The following WDR62 variants were observed in gnomAD, a reference collection of about 807,000 sequenced individuals.
WDR62 encodes WD repeat-containing protein 62.
WDR62 carries 112 observed loss-of-function variants against 160.6 expected under a neutral mutation model. The ratio of observed to expected loss-of-function variants is 0.70; its 90% CI spans 0.60 to 0.82. WDR62 has a LOEUF of 0.82. WDR62 is among the 40% of genes least tolerant of loss of function. WDR62 has a pLI of 0.00. For synonymous variants in WDR62, 792 were observed against 815.1 expected, an observed-to-expected ratio of 0.97 and a Z score of 0.48; for missense variants, 1,819 against 1,983.8, an observed-to-expected ratio of 0.92 and a Z score of 1.58.
At chr19:36,063,252 T>C (rs947941433) in intron 3 of WDR62, among the ~76,000 whole-genome samples, 2 of 136,648 alleles carry the variant, frequency 1.5e-5, no homozygotes, top group Admixed American at 7.6e-5. Context: ...CACTTTTTTT[T>C]GTTTTTTTGT....
chr19:36,102,032 A>G lies in WDR62; in HGVS notation c.3101A>G (p.Glu1034Gly). 6.2e-7 allele frequency: 1 copy of G among 1,614,180 alleles called. No homozygotes were observed. The highest frequency in any genetic ancestry group is 1.3e-5 in the African/African-American group (1 of 75,046). The change falls in exon 26 of 32, where the codon GAA (glutamate) becomes GGA (glycine). Residue 1034 changes from glutamate to glycine, a missense_variant. By Grantham distance (98) the Glu-to-Gly change is moderately conservative. Transcript: ENST00000401500. ...PHFPGCAGPT[E>G]DELSLPEGPS... Reference sequence around the variant, plus strand: ...CTGTCAGGATGCGCAGGTCCCACAGAAGATGAGCTGTCCCTGCCCGAGGGA... The same window carrying G: ...CTGTCAGGATGCGCAGGTCCCACAGGAGATGAGCTGTCCCTGCCCGAGGGA...
intron 9 of WDR62, among the ~76,000 whole-genome samples, chr19:36,074,525 G>A (rs563027230): frequency 1.9e-4 from 29 of 152,048 alleles, no homozygotes; most frequent in Non-Finnish European, 3.4e-4. Flanking sequence ...AGCCAGGCGC[G>A]CCTATAGTTG....
At chr19:36,068,188 C>A (rs1383480835) in intron 7 of WDR62, among the ~76,000 whole-genome samples, 178 bp downstream of exon 7, 1 of 152,120 alleles carries the variant, frequency 6.6e-6, no homozygotes, top group Non-Finnish European at 1.5e-5. Flanking sequence ...GCCCTCCCCG[C>A]AGAGCTGATA....
intron 9 of WDR62, among the ~76,000 whole-genome samples, chr19:36,080,273 A>C (rs1396542482): frequency 6.8e-6 from 1 of 147,182 alleles, no homozygotes; most frequent in African/African-American, 2.5e-5. Context: ...ACGCCCGGCT[A>C]ATTTTTTGTA....
chr19:36,084,104 A>T (rs1972063418), intron 11 of WDR62, among the ~76,000 whole-genome samples: 1 of 152,028 alleles, frequency 6.6e-6, no homozygotes. Flanking sequence ...GACTGATTTA[A>T]TCCTCTCACT....
At position 36,099,557 on chromosome 19, in the gene WDR62, T is replaced by A; in HGVS notation, c.2679T>A (p.Ser893Arg). The A allele has an allele frequency of 6.2e-7, 1 of 1,613,928 alleles. No homozygotes were observed. The highest frequency in any genetic ancestry group is 2.2e-5 in the East Asian group (1 of 44,854). Residue 893 changes from serine to arginine, a missense_variant, in exon 22 of 32, where the codon AGT (serine) becomes AGA (arginine). This residue lies in a region of WDR62 where 934 missense variants were observed against 1,157.2 expected (regional missense o/e 0.81). Coordinates refer to ENST00000401500, the MANE Select transcript of WDR62 (RefSeq NM_001083961.2). ...DCYFTPMKPE[S>R]LENSILDSLE... ...ACTTTACCCCCATGAAGCCCGAGAG[T>A]CTGGAGAACTCCATTCTGGATTCAC...
chr19:36,061,529 A>G (rs1970645862), intron 3 of WDR62: 1 of 152,248 alleles, frequency 6.6e-6, no homozygotes, highest in South Asian at 2.1e-4. Context: ...CTGGGGCCCA[A>G]ATTCCCCTGT....
chr19:36,104,805 A>C lies in WDR62; in HGVS notation c.4349A>C (p.Gln1450Pro), dbSNP rs763893196. Residue 1450 changes from glutamine (Q) to proline (P), a missense_variant, in exon 32 of 32, where the codon CAG (glutamine) becomes CCG (proline). Gln to Pro is a moderately conservative substitution (Grantham distance 76, BLOSUM62 -1). Transcript: ENST00000401500. ...GGCCAGGTGGACACCGGGCAGCAGC[A>C]GGCACGGACTGAGCTGGTCTCCACC... ...SSGQVDTGQQ[Q>P]ARTELVSTFL... The C allele has an allele frequency of 6.2e-7, 1 of 1,613,658 alleles. No individual in the cohort carries two copies. The highest frequency in any genetic ancestry group is 8.5e-7 in the Non-Finnish European group (1 of 1,180,016).
chr19:36,095,427 C>T (rs1401227581), intron 20 of WDR62, among the ~76,000 whole-genome samples: 2 of 152,208 alleles, frequency 1.3e-5, no homozygotes, highest in African/African-American at 4.8e-5. Flanking sequence ...GTCCACATCT[C>T]AGCATGTGAT....
At chr19:36,092,646 TTAC>T in intron 18 of WDR62, 40 bp from the exon 19 acceptor site, 1 of 1,613,152 alleles carries the variant, frequency 6.2e-7, no homozygotes. Flanking sequence ...GCTCCCATGC[TTAC>T]TCTTCCTCTG....
Position 36,101,450 on chromosome 19 carries a change from G to A in WDR62, c.2971+133G>A, listed in dbSNP as rs35085674. ...GAGGAAGACACATGTGGTCCCTGCTGCTGCCTGAGGATTCTGGGCCCAGCT... is the reference window on the plus strand; with the variant it reads ...GAGGAAGACACATGTGGTCCCTGCTACTGCCTGAGGATTCTGGGCCCAGCT... On this transcript the variant is annotated intron_variant, in intron 24 of 31. Transcript: ENST00000401500. 11,825 of 915,188 alleles carry A rather than the reference G, an allele frequency of 0.013. 92 individuals are homozygous for A. The highest frequency in any genetic ancestry group is 0.019 in the Middle Eastern group (92 of 4,764). The allele number at this position is 915,188 out of a possible 1,614,324, so 56.7% of individuals were successfully genotyped here.
chr19:36,104,736 G>A (rs777528577), intron 31 of WDR62, 32 bp from the exon 32 acceptor site: 2 of 1,613,816 alleles, frequency 1.2e-6, no homozygotes, highest in Non-Finnish European at 1.7e-6. Context: ...CCCGGCCTTG[G>A]TGGCCCCTGA....
chr19:36,097,278 A>G lies in WDR62; in HGVS notation c.2520+199A>G, dbSNP rs58159114. ...CATTGTTCTGGATGTCAGGGACACAACAGTGAGCAAGGGAAACAAAAGTCT... is the reference window on the plus strand; with the variant it reads ...CATTGTTCTGGATGTCAGGGACACAGCAGTGAGCAAGGGAAACAAAAGTCT... On this transcript the variant is annotated intron_variant, in intron 21 of 31. Transcript: ENST00000401500. 0.026 allele frequency among the ~76,000 whole-genome samples: 3,962 copies of G among 152,344 alleles called. 181 individuals carry two copies. Among genetic ancestry groups the G allele is most frequent in the African/African-American group, 0.09 (3,733 of 41,568 alleles).
chr19:36,103,855 G>A lies in WDR62; in HGVS notation c.4027G>A (p.Ala1343Thr), dbSNP rs1212415144. The change falls in exon 30 of 32, where the codon GCC (alanine) becomes ACC (threonine). Residue 1343 changes from alanine (A) to threonine (T), a missense_variant. Ala to Thr is a moderately conservative substitution (Grantham distance 58). Around this residue, in one of 3 missense-constraint regions of WDR62, gnomAD observed 770 missense variants for 734.2 expected, o/e 1.05. Coordinates refer to ENST00000401500, the MANE Select transcript of WDR62 (RefSeq NM_001083961.2). ...EESALRLHGSAFRPSLPAPES... is the reference protein window; with the variant it reads ...EESALRLHGSTFRPSLPAPES... ...GAGCGCCCTGAGGCTCCACGGCTCTGCCTTTCGCCCAAGTCTCCCAGCTCC... is the reference window on the plus strand; with the variant it reads ...GAGCGCCCTGAGGCTCCACGGCTCTACCTTTCGCCCAAGTCTCCCAGCTCC... The A allele has an allele frequency of 1.9e-6, 3 of 1,603,500 alleles. No homozygotes were observed. The African/African-American group carries it at 4.0e-5, about 21-fold the overall frequency.
downstream of WDR62, among the ~76,000 whole-genome samples, chr19:36,105,984 C>CCTCCCAAAGTGCTGGGATTA: frequency 6.6e-6 from 1 of 152,192 alleles, no homozygotes; most frequent in Non-Finnish European, 1.5e-5. Context: ...CAGGCATGAG[C>CCTCCCAAAGTGCTGGGATTA]CACCGCACCT....
chr19:36,056,517 A>C (rs1475508593), intron 1 of WDR62, among the ~76,000 whole-genome samples: 1 of 152,140 alleles, frequency 6.6e-6, no homozygotes, highest in Non-Finnish European at 1.5e-5. Flanking sequence ...CCATCCTTCA[A>C]GTCTCAGCCT....
rs768262786 is a variant in WDR62, at chr19:36,086,743, GAGA to G, written c.1704_1706del (p.Lys568del). On this transcript the variant is annotated inframe_deletion, in exon 13 of 32. Transcript: ENST00000401500. Reference sequence around the variant, plus strand: ...CCGGCTGATCCATGTGCTGAACGTGGAGAAGAACTACAACCTGGAGCAGACGCT... The same window carrying G: ...CCGGCTGATCCATGTGCTGAACGTGGAGAACTACAACCTGGAGCAGACGCT... The G allele has an allele frequency of 2.2e-5, 36 of 1,607,498 alleles. No individual in the cohort carries two copies. Among genetic ancestry groups the G allele is most frequent in the Admixed American group, 5.1e-5 (3 of 59,390 alleles).
intron 13 of WDR62, among the ~76,000 whole-genome samples, chr19:36,087,162 G>C (rs142183300): frequency 6.1e-4 from 92 of 151,658 alleles, no homozygotes; most frequent in African/African-American, 2.2e-3. Flanking sequence ...AACCTGGGAG[G>C]TGGAGGCTGC....
chr19:36,100,151 T>G (rs1302110843), intron 22 of WDR62, among the ~76,000 whole-genome samples: 1 of 152,214 alleles, frequency 6.6e-6, no homozygotes, highest in Non-Finnish European at 1.5e-5. Flanking sequence ...TAACAATCTC[T>G]TCTGCCCCAG....
Sources: gnomAD v4.1 joint callset for allele counts (sites outside exome capture counted in the v4.1 genomes callset) on GRCh38, gnomAD v4.1.1 for gene constraint, gnomAD v4.1.1 regional missense constraint, MANE v1.5 for transcripts, NCBI Gene and HGNC (gene_info 2026-07-23, HGNC 2026-07-21) for gene names.